Variants in PXDC1 observed in about 807,000 individuals in gnomAD.
The protein encoded by PXDC1 is PX domain containing 1.
Under a neutral mutation model 24.4 loss-of-function variants are expected in PXDC1, and 13 were observed. The observed-to-expected ratio is 0.53, with a 90% CI of 0.35 to 0.85. PXDC1 has a LOEUF of 0.85. Ranked by LOEUF, PXDC1 falls within the 40% of genes least tolerant of loss-of-function variation. The pLI, the probability that PXDC1 is intolerant of heterozygous loss-of-function variation, is 0.01. For synonymous variants in PXDC1, 162 were observed against 124.9 expected (o/e 1.30, Z -1.98); for missense variants, 344 against 309.3 (o/e 1.11, Z -0.84).
chr6:3,736,178 G>C (rs1760310745), intron 3 of PXDC1, among the ~76,000 whole-genome samples: 2 of 152,098 alleles, frequency 1.3e-5, no homozygotes, highest in Non-Finnish European at 2.9e-5. Flanking sequence ...TCAGCTCTGG[G>C]CTCAGACCCC....
chr6:3,742,112 C>T (rs1760461954), intron 1 of PXDC1, among the ~76,000 whole-genome samples: 1 of 152,202 alleles, frequency 6.6e-6, no homozygotes, highest in African/African-American at 2.4e-5. Flanking sequence ...GCAGAATCCA[C>T]GCTGAAGACA....
Position 3,728,570 on chromosome 6 carries a change from T to C in PXDC1, c.467-908A>G, listed in dbSNP as rs1760123676. On this transcript the variant is annotated intron_variant, in intron 3 of 4. Coordinates refer to ENST00000380283, the MANE Select transcript of PXDC1 (RefSeq NM_183373.4). The surrounding 1 kb of genome is among the most constrained non-coding windows in gnomAD (Gnocchi z 4.0). The stretch of plus-strand genomic sequence containing the variant: ...CATGGCATGAGCTAGAGGGTGGAAG[T>C]CTGCGCTCGTCCTTGGCTGGAGGGG... 6.6e-6 allele frequency among the ~76,000 whole-genome samples: 1 copy of C among 152,138 alleles called. No individual in the cohort carries two copies. Among genetic ancestry groups the C allele is most frequent in the Admixed American group, 6.5e-5 (1 of 15,272 alleles).
At chr6:3,727,959 AC>A (rs1409465350) in intron 3 of PXDC1, among the ~76,000 whole-genome samples, 1 of 152,142 alleles carries the variant, frequency 6.6e-6, no homozygotes, top group Non-Finnish European at 1.5e-5. Context: ...AAGCTGGAGT[AC>A]AAAGAAGGAG....
At position 3,723,038 on chromosome 6, in the gene PXDC1, C is replaced by T. The variant is rs1255374385; in HGVS notation, c.*581G>A. The T allele has an allele frequency of 6.6e-6, 1 of 152,362 alleles. No individual in the cohort carries two copies. Among genetic ancestry groups the T allele is most frequent in the Non-Finnish European group, 1.5e-5 (1 of 68,282 alleles). The allele number at this position is 152,362 out of a possible 1,614,324, so 9.4% of individuals were successfully genotyped here. A position where few individuals can be genotyped will look rare whatever the true frequency, so the allele number is the denominator to read the frequency against. On this transcript the variant is annotated 3_prime_UTR_variant, in exon 5 of 5. Transcript: ENST00000380283. ...CTGTGCTGGGCCTTCTGCAAATACT[C>T]CTGGGGTTGACCCAAACCCAGTTTC... is the stretch of plus-strand genomic sequence containing the variant.
At chr6:3,732,872 G>T (rs529732284) in intron 3 of PXDC1, among the ~76,000 whole-genome samples, 1 of 152,334 alleles carries the variant, frequency 6.6e-6, no homozygotes, top group Non-Finnish European at 1.5e-5. Flanking sequence ...GTATGTCAGT[G>T]GCATAAGAAA....
intron 1 of PXDC1, among the ~76,000 whole-genome samples, chr6:3,749,742 A>T (rs1057514957): frequency 6.6e-6 from 1 of 152,016 alleles, no homozygotes; most frequent in Non-Finnish European, 1.5e-5. Flanking sequence ...AACGTCAGAG[A>T]CCACAAGCAC....
chr6:3,739,325 T>A (rs4959872), intron 1 of PXDC1, among the ~76,000 whole-genome samples: 2 of 152,036 alleles, frequency 1.3e-5, no homozygotes, highest in African/African-American at 2.4e-5. Context: ...CGGGGGTCAG[T>A]GGGGATCAGT....
intron 1 of PXDC1, chr6:3,738,831 A>G (rs1028816201): frequency 1.1e-5 from 14 of 1,303,168 alleles, no homozygotes; most frequent in Non-Finnish European, 1.4e-5. Context: ...GTGCTTTTCT[A>G]TCTCCCCATG....
At chr6:3,729,195 T>G (rs766001391) in intron 3 of PXDC1, among the ~76,000 whole-genome samples, 22 of 152,178 alleles carry the variant, frequency 1.4e-4, no homozygotes, top group Non-Finnish European at 2.6e-4. Flanking sequence ...TTCCCGTGTA[T>G]GGATTTGCTT....
chr6:3,744,766 CAGCTCACTGCA>C (rs1760527316), intron 1 of PXDC1, among the ~76,000 whole-genome samples: 1 of 152,264 alleles, frequency 6.6e-6, no homozygotes, highest in Admixed American at 6.5e-5. Flanking sequence ...GGTGCAATCT[CAGCTCACTGCA>C]AGCTCCGCTT....
intron 3 of PXDC1, among the ~76,000 whole-genome samples, chr6:3,733,372 CTATT>C (rs1157149808): frequency 1.3e-5 from 2 of 152,124 alleles, no homozygotes; most frequent in East Asian, 3.9e-4. Context: ...GATGTTGGGG[CTATT>C]TATTGTCAAT....
At position 3,723,600 on chromosome 6, in the gene PXDC1, G is replaced by T; in HGVS notation, c.*19C>A. The T allele has an allele frequency of 6.4e-7, 1 of 1,565,410 alleles. No homozygotes were observed. The highest frequency in any genetic ancestry group is 1.1e-5 in the South Asian group (1 of 90,072). ...GCTGGCAGTGAACAGCTGAGGCGGG[G>T]GAGGCCTGATAGAGAGGTTCAGTCC... On this transcript the variant is annotated 3_prime_UTR_variant, in exon 5 of 5. Coordinates refer to ENST00000380283, the MANE Select transcript of PXDC1 (RefSeq NM_183373.4).
chr6:3,735,687 G>A (rs1480009845), intron 3 of PXDC1, among the ~76,000 whole-genome samples: 2 of 152,174 alleles, frequency 1.3e-5, no homozygotes, highest in African/African-American at 4.8e-5. Flanking sequence ...CTGTACTACT[G>A]CACAGTAAGG....
intron 1 of PXDC1, 24 bp from the exon 2 acceptor site, chr6:3,738,172 A>G (rs1345524826): frequency 1.9e-6 from 3 of 1,589,306 alleles, no homozygotes; most frequent in Admixed American, 3.3e-5. Flanking sequence ...AGAAATGCTC[A>G]AAGTCAGAAT....
intron 1 of PXDC1, among the ~76,000 whole-genome samples, chr6:3,743,119 G>A (rs74382112): frequency 0.025 from 3,871 of 152,250 alleles, 174 homozygotes; most frequent in African/African-American, 0.089. Flanking sequence ...CAACACTTGC[G>A]GTAACTGGCC....
rs1352252863 is a variant in PXDC1 at position 3,724,935 on chromosome 6, A to G, written c.579-1199T>C. Among the ~76,000 whole-genome samples the G allele has an allele frequency of 6.6e-6, 1 of 152,116 alleles. No individual in the cohort carries two copies. Among genetic ancestry groups the G allele is most frequent in the Non-Finnish European group, 1.5e-5 (1 of 68,008 alleles). On this transcript the variant is annotated intron_variant, in intron 4 of 4. Transcript: ENST00000380283. This position sits in a 1 kb window ranked among gnomAD's most constrained non-coding sequence, Gnocchi z 4.5. Reference sequence around the variant, plus strand: ...AGAGGAAGGCCTCCCCTCTGACTCCATGGCCAGGCCTGGAGTGTGGTGTCA... The same window carrying G: ...AGAGGAAGGCCTCCCCTCTGACTCCGTGGCCAGGCCTGGAGTGTGGTGTCA...
At chr6:3,731,942 G>A (rs995895235) in intron 3 of PXDC1, among the ~76,000 whole-genome samples, 3 of 152,254 alleles carry the variant, frequency 2.0e-5, no homozygotes, top group Admixed American at 2.0e-4. Flanking sequence ...CTGCTGTGGA[G>A]TGCCTGGTGA....
intron 1 of PXDC1, among the ~76,000 whole-genome samples, chr6:3,748,346 T>G (rs1479499376): frequency 6.6e-6 from 1 of 151,608 alleles, no homozygotes; most frequent in Non-Finnish European, 1.5e-5. Context: ...GAGAAGAAGG[T>G]CGGGTGGGAG....
chr6:3,749,199 C>G (rs1760641445), intron 1 of PXDC1, among the ~76,000 whole-genome samples: 1 of 151,932 alleles, frequency 6.6e-6, no homozygotes, highest in Non-Finnish European at 1.5e-5. Flanking sequence ...CTCTTCACCC[C>G]CTCCAGGGTG....
Sources: allele counts gnomAD v4.1 joint callset (sites outside exome capture counted in the v4.1 genomes callset), GRCh38; gene constraint gnomAD v4.1.1; non-coding constraint Gnocchi (gnomAD v3.1); transcripts MANE v1.5; gene names NCBI Gene and HGNC (gene_info 2026-07-23, HGNC 2026-07-21).